F8: variants seen among roughly 807,000 people sequenced by gnomAD.
F8 encodes the protein antihemophilic factor.
A neutral mutation model predicts 140.6 loss-of-function variants in F8; 12 were observed. That is an observed-to-expected ratio of 0.09 (90% CI 0.05 to 0.14). F8 has a LOEUF of 0.14. Ranked by LOEUF, F8 falls within the 10% of genes least tolerant of loss-of-function variation. The pLI is 1.00. For synonymous variants in F8, 585 were observed against 614.6 expected (o/e 0.95, Z 0.71); for missense variants, 1,354 against 1,720.7 (o/e 0.79, Z 3.77).
intron 22 of F8, among the ~76,000 whole-genome samples, chrX:154,891,718 C>T (rs1244457877): frequency 1.8e-5 from 2 of 112,621 alleles, no homozygotes; most frequent in African/African-American, 6.5e-5. Flanking sequence ...AAAAAACATT[C>T]TCTAGGTCAA....
At chrX:154,927,538 C>A (rs782744271) in intron 14 of F8, among the ~76,000 whole-genome samples, 1 of 112,041 alleles carries the variant, frequency 8.9e-6, no homozygotes, top group East Asian at 2.8e-4. Context: ...TGTGGAGGTT[C>A]ATTGCACAGC....
chrX:154,870,635 A>G (rs782542789), intron 22 of F8, among the ~76,000 whole-genome samples: 1 of 112,102 alleles, frequency 8.9e-6, no homozygotes, highest in South Asian at 3.7e-4. Flanking sequence ...GAAAACTGGC[A>G]CAAGACAGGG....
intron 14 of F8, 84 bp downstream of exon 14, chrX:154,928,487 C>T: frequency 1.2e-6 from 1 of 859,394 alleles, no homozygotes; most frequent in South Asian, 2.1e-5. Flanking sequence ...ATTTTTCATC[C>T]TCTAACTCTC....
Position 154,929,092 on chromosome X carries a change from C to T in F8, c.4698G>A (p.Leu1566=), listed in dbSNP as rs1557278368. 2 of 1,211,625 alleles carry T rather than the reference C, an allele frequency of 1.7e-6. No homozygotes were observed. The highest frequency in any genetic ancestry group is 1.8e-5 in the South Asian group (1 of 56,966). The change falls in exon 14 of 26, where the codon CTG becomes CTA. Residue 1566 remains leucine (L), a synonymous_variant. Transcript: ENST00000360256. The stretch of plus-strand genomic sequence containing the variant: ...TTGCAGAGCTTTCTGTTGCTACTCT[C>T]AGAAAGGGAACTTTTCCAGGTCTGT... ...EANRPGKVPF[L]RVATESSAKT... is the part of the protein sequence containing the mutation.
intron 1 of F8, among the ~76,000 whole-genome samples, chrX:155,001,450 C>A (rs1557285610): frequency 9.2e-6 from 1 of 108,357 alleles, no homozygotes; most frequent in African/African-American, 3.4e-5. Context: ...GCGTGTGCCA[C>A]CATGCCCGGT....
At chrX:154,996,796 G>A (rs2073619501) in intron 3 of F8, among the ~76,000 whole-genome samples, 177 bp downstream of exon 3, 1 of 112,032 alleles carries the variant, frequency 8.9e-6, no homozygotes, top group Admixed American at 9.4e-5. Flanking sequence ...TAAGGACACA[G>A]CAATAAATAA....
At chrX:154,948,187 C>T (rs1188570533) in intron 12 of F8, among the ~76,000 whole-genome samples, 1 of 110,967 alleles carries the variant, frequency 9.0e-6, no homozygotes, top group Non-Finnish European at 1.9e-5. Context: ...TCTTAAACTA[C>T]ACAGAGGAGA....
chrX:154,902,294 T>A (rs904410594), intron 18 of F8, 127 bp from the exon 19 acceptor site: 5 of 543,714 alleles, frequency 9.2e-6, no homozygotes, highest in Non-Finnish European at 9.9e-6. Context: ...TTTGGACCCC[T>A]CAAATGCAAA....
At chrX:154,983,472 T>C (rs974965718) in intron 6 of F8, among the ~76,000 whole-genome samples, 15 of 111,451 alleles carry the variant, frequency 1.3e-4, no homozygotes, top group African/African-American at 4.9e-4. Flanking sequence ...GTGGTTACCA[T>C]AGTCTGGGGT....
intron 4 of F8, among the ~76,000 whole-genome samples, chrX:154,989,207 A>G (rs781894235): frequency 1.8e-5 from 2 of 112,000 alleles, no homozygotes; most frequent in South Asian, 3.8e-4. Flanking sequence ...AAATACGTAT[A>G]AAGCTGTCTT....
chrX:154,837,771 C>T lies in F8; in HGVS notation c.6901-19G>A. ...GAAAAACCTGAAAGAGGAAAGATAG[C>T]ATTTATTGGTTGTCTGACAGGACAA... On this transcript the variant is annotated intron_variant, in intron 25 of 25. Transcript: ENST00000360256. The T allele has an allele frequency of 8.3e-7, 1 of 1,206,666 alleles. No individual in the cohort carries two copies. Among genetic ancestry groups the T allele is most frequent in the Non-Finnish European group, 1.1e-6 (1 of 890,851 alleles).
At chrX:154,838,743 G>A (rs982892209) in intron 25 of F8, among the ~76,000 whole-genome samples, 1 of 111,874 alleles carries the variant, frequency 8.9e-6, no homozygotes, top group Non-Finnish European at 1.9e-5. Context: ...CAAATGGGAA[G>A]AGACTTTTCC....
chrX:155,009,085 T>C (rs1430480683), intron 1 of F8, among the ~76,000 whole-genome samples: 1 of 109,041 alleles, frequency 9.2e-6, no homozygotes, highest in Non-Finnish European at 1.9e-5. Flanking sequence ...ACATTAATTT[T>C]TTTTTTTTTT....
chrX:154,878,372 T>C (rs1557274189), intron 22 of F8, among the ~76,000 whole-genome samples: 1 of 101,781 alleles, frequency 9.8e-6, no homozygotes, highest in East Asian at 3.0e-4. Context: ...CCCCTGCAAG[T>C]TCATTCTGGT....
intron 6 of F8, among the ~76,000 whole-genome samples, chrX:154,978,217 TTTAG>T (rs1301150775): frequency 9.0e-6 from 1 of 111,084 alleles, no homozygotes; most frequent in African/African-American, 3.3e-5. Context: ...ACTGAGTTTA[TTTAG>T]TATCAAAATT....
intron 14 of F8, chrX:154,919,567 C>G (rs1362720947): frequency 1.3e-6 from 1 of 750,656 alleles, no homozygotes; most frequent in African/African-American, 2.2e-5. Flanking sequence ...GGCAGACTCT[C>G]AGAATCTCAC....
chrX:154,957,204 T>C (rs781922696), intron 10 of F8, 33 bp from the exon 11 acceptor site: 4 of 1,049,094 alleles, frequency 3.8e-6, no homozygotes, highest in Non-Finnish European at 5.3e-6. Context: ...ATAGCTCAAT[T>C]AGAGTACAAC....
rs146893193 is a variant in F8, at chrX:154,963,609, T to C, written c.1443+2361A>G. ...GTCAAATGGTTTTTCTTTTGTTGCT[T>C]GTTGGTTTTGGTGTCCTATCCAATA... is the stretch of plus-strand genomic sequence containing the variant. On this transcript the variant is annotated intron_variant, in intron 9 of 25. Coordinates refer to ENST00000360256, the MANE Select transcript of F8 (RefSeq NM_000132.4). Among the ~76,000 whole-genome samples the C allele has an allele frequency of 7.4e-3, 826 of 111,675 alleles. 4 individuals carry two copies. Among genetic ancestry groups the C allele is most frequent in the Middle Eastern group, 0.014 (3 of 219 alleles).
rs782266215 is a variant in F8, at chrX:154,928,418, C to T, written c.5219+153G>A. ...CTCCTTCTTGTCCCTGATTCCTCTA[C>T]CCTCTTGTAAACCTCTCTTCTCTCT... On this transcript the variant is annotated intron_variant, in intron 14 of 25. Coordinates refer to ENST00000360256, the MANE Select transcript of F8 (RefSeq NM_000132.4). Among the ~76,000 whole-genome samples the T allele has an allele frequency of 2.7e-5, 3 of 112,178 alleles. No individual in the cohort carries two copies. In the South Asian group the frequency reaches 1.1e-3, roughly 42 times the overall value.
Sources: allele counts gnomAD v4.1 joint callset (sites outside exome capture counted in the v4.1 genomes callset), GRCh38; gene constraint gnomAD v4.1.1; transcripts MANE v1.5; gene names NCBI Gene and HGNC (gene_info 2026-07-23, HGNC 2026-07-21).